The following IGSF10 variants were observed in gnomAD, a reference collection of about 807,000 sequenced individuals.
IGSF10 encodes calvaria mechanical force protein 608.
Under a neutral mutation model 128.2 loss-of-function variants are expected in IGSF10, and 126 were observed. That is an observed-to-expected ratio of 0.98 (90% CI 0.85 to 1.14). The LOEUF is 1.14. IGSF10 is among the 50% of genes most tolerant of loss of function. The pLI, the probability that IGSF10 is intolerant of heterozygous loss-of-function variation, is 0.00. For synonymous variants in IGSF10, 1,185 were observed against 1,146.2 expected (o/e 1.03, Z -0.68); for missense variants, 3,295 against 3,149.8 (o/e 1.05, Z -1.10).
chr3:151,504,182 A>G, the IGSF10 span, among the ~76,000 whole-genome samples: 7 of 152,154 alleles, frequency 4.6e-5, no homozygotes, highest in Middle Eastern at 6.3e-3. Flanking sequence ...GTTAAACTAC[A>G]AATTCCTCCT....
the IGSF10 span, among the ~76,000 whole-genome samples, chr3:151,507,119 C>T: frequency 3.9e-5 from 6 of 152,176 alleles, no homozygotes; most frequent in Non-Finnish European, 5.9e-5. Context: ...CCTAGACCAG[C>T]AGCTGCAAGC....
At position 151,455,217 on chromosome 3, in the gene IGSF10, A is replaced by G. The variant is rs533665270; in HGVS notation, c.325-1443T>C. On this transcript the variant is annotated intron_variant, in intron 4 of 7. Transcript: ENST00000282466. ...CCTCCATCTCCTGGGTCAAGTGATT[A>G]TCCTGCCTCAGCCTCCTGAGTAACT... 2.0e-5 allele frequency among the ~76,000 whole-genome samples: 3 copies of G among 148,842 alleles called. No individual in the cohort carries two copies. The East Asian group carries it at 6.1e-4, about 30-fold the overall frequency.
the IGSF10 span, among the ~76,000 whole-genome samples, chr3:151,541,910 T>C: frequency 1.3e-5 from 2 of 152,290 alleles, no homozygotes; most frequent in East Asian, 1.9e-4. Context: ...TTAGAAAGGA[T>C]TGTGTATGCG....
the IGSF10 span, among the ~76,000 whole-genome samples, chr3:151,583,203 T>G: frequency 6.6e-6 from 1 of 152,064 alleles, no homozygotes; most frequent in East Asian, 1.9e-4. Flanking sequence ...TCTTTCTTAT[T>G]CTTATATTTA....
chr3:151,494,436 A>T, the IGSF10 span, among the ~76,000 whole-genome samples: 1 of 152,154 alleles, frequency 6.6e-6, no homozygotes, highest in African/African-American at 2.4e-5. Flanking sequence ...GCATTAAAAA[A>T]TAATCATAAG....
chr3:151,531,258 C>T, the IGSF10 span, among the ~76,000 whole-genome samples: 14 of 152,144 alleles, frequency 9.2e-5, no homozygotes, highest in Non-Finnish European at 1.5e-4. Context: ...TAACACCCCA[C>T]TGTCAATATT....
chr3:151,489,829 C>T, the IGSF10 span, among the ~76,000 whole-genome samples: 12 of 151,710 alleles, frequency 7.9e-5, no homozygotes, highest in South Asian at 4.2e-4. Flanking sequence ...TGGGGGGTTG[C>T]GGGCTAGGGG....
At chr3:151,491,331 C>T in the IGSF10 span, among the ~76,000 whole-genome samples, 4 of 152,094 alleles carry the variant, frequency 2.6e-5, no homozygotes, top group African/African-American at 9.7e-5. Flanking sequence ...AATCCCAGCA[C>T]TTTGGGAGGC....
chr3:151,569,117 G>A, the IGSF10 span, among the ~76,000 whole-genome samples: 4 of 152,134 alleles, frequency 2.6e-5, no homozygotes, highest in Non-Finnish European at 5.9e-5. Context: ...TGTTGTGCAG[G>A]CTGGAGGGCA....
chr3:151,442,547 A>ATTTTG (rs773426532), intron 7 of IGSF10, among the ~76,000 whole-genome samples: 1 of 125,544 alleles, frequency 8.0e-6, no homozygotes, highest in African/African-American at 3.2e-5. Flanking sequence ...TGCCCGGCTA[A>ATTTTG]TTTTTTTTTT....
chr3:151,596,846 G>T, the IGSF10 span, among the ~76,000 whole-genome samples: 1 of 152,176 alleles, frequency 6.6e-6, no homozygotes, highest in African/African-American at 2.4e-5. Context: ...AGCCAAAGTC[G>T]TGGTGGGAGT....
chr3:151,560,706 C>CG, the IGSF10 span, among the ~76,000 whole-genome samples: 2 of 151,622 alleles, frequency 1.3e-5, no homozygotes, highest in Non-Finnish European at 2.9e-5. Context: ...GCCATAGCCC[C>CG]CCCCTCCGTC....
chr3:151,441,995 A>G (rs1446644153), intron 7 of IGSF10, among the ~76,000 whole-genome samples: 1 of 152,200 alleles, frequency 6.6e-6, no homozygotes, highest in African/African-American at 2.4e-5. Flanking sequence ...TGGGAGGCGG[A>G]GCTTGCAGTG....
rs762486476 is a variant in IGSF10 at position 151,445,188 on chromosome 3, G to T, written c.4793C>A (p.Thr1598Lys). 1 of 1,614,146 alleles carries T rather than the reference G, an allele frequency of 6.2e-7. No homozygotes were observed. Among genetic ancestry groups the T allele is most frequent in the African/African-American group, 1.3e-5 (1 of 74,940 alleles). Residue 1598 changes from threonine (T) to lysine (K), a missense_variant, in exon 6 of 8, where the codon ACA becomes AAA. Transcript: ENST00000282466. ...AAGAGTGGTGGCCTCGGACAGGCCT[G>T]TAGTAGCCAACATGCTTACTTCTGG... is the stretch of plus-strand genomic sequence containing the variant. ...KKPEVSMLAT[T>K]GLSEATTLVS...
the IGSF10 span, among the ~76,000 whole-genome samples, chr3:151,555,305 A>C: frequency 1.3e-5 from 2 of 152,100 alleles, no homozygotes; most frequent in Non-Finnish European, 2.9e-5. Context: ...AAAATGCTAC[A>C]TAAAACAGAT....
rs769327853 is a variant in IGSF10, at chr3:151,437,585, C to T, written c.6976G>A (p.Val2326Ile). ...RNEGGESVLV[V>I]QLEVLEMLRR... ...AGCATTTCCAGTACTTCTAACTGTA[C>T]TACCAACACGCTCTCTCCACCTTCA... The change falls in exon 8 of 8, where the codon GTA becomes ATA. Residue 2326 changes from valine to isoleucine, a missense_variant. By Grantham distance (29) the Val-to-Ile change is conservative. Transcript: ENST00000282466. 5 of 1,614,160 alleles carry T rather than the reference C, an allele frequency of 3.1e-6. No homozygotes were observed. The East Asian group carries it at 8.9e-5, about 29-fold the overall frequency.
chr3:151,485,523 A>C, the IGSF10 span, among the ~76,000 whole-genome samples: 1 of 152,210 alleles, frequency 6.6e-6, no homozygotes, highest in Non-Finnish European at 1.5e-5. Context: ...GTTGAAATGA[A>C]AGAAAAAATG....
chr3:151,443,044 TC>T lies in IGSF10; in HGVS notation c.5902del (p.Glu1968SerfsTer6), dbSNP rs1720951354. 1 of 1,614,208 alleles carries T rather than the reference TC, an allele frequency of 6.2e-7. No homozygotes were observed. Among genetic ancestry groups the T allele is most frequent in the Non-Finnish European group, 8.5e-7 (1 of 1,180,036 alleles). On this transcript the variant is annotated frameshift_variant, in exon 7 of 8. Transcript: ENST00000282466. LOFTEE classifies it high-confidence loss of function. ...KLLLNCSATG[E>X]PKPQIMWRLP... ...CCTCCACATTATTTGGGGTTTGGGC[TC>T]CCCAGTGGCTGAGCAGTTCAGTAGT...
At chr3:151,592,577 G>A in the IGSF10 span, among the ~76,000 whole-genome samples, 2 of 152,140 alleles carry the variant, frequency 1.3e-5, no homozygotes, top group Non-Finnish European at 2.9e-5. Context: ...ACAGCAGGCA[G>A]TATGCAGGTC....
Sources: gnomAD v4.1 joint callset for allele counts (sites outside exome capture counted in the v4.1 genomes callset) on GRCh38, gnomAD v4.1.1 for gene constraint, MANE v1.5 for transcripts, NCBI Gene and HGNC (gene_info 2026-07-23, HGNC 2026-07-21) for gene names.